DHX32: variants seen among roughly 807,000 people sequenced by gnomAD.
The protein encoded by DHX32 is DEAH-box helicase 32 (putative).
DHX32 carries 51 observed loss-of-function variants against 70.0 expected under a neutral mutation model. The ratio of observed to expected loss-of-function variants is 0.73; its 90% CI spans 0.58 to 0.92. The LOEUF (loss-of-function observed/expected upper bound fraction) is 0.92, where lower values mean the gene tolerates loss of function less well. DHX32 is among the 40% of genes least tolerant of loss of function. The pLI is 0.00. For synonymous variants in DHX32, 310 were observed against 315.3 expected (o/e 0.98, Z 0.18); for missense variants, 762 against 891.8 (o/e 0.85, Z 1.85).
In DHX32 at chr10:125,839,059, C is replaced by T. The variant is rs771173173; in HGVS notation, c.1823G>A (p.Gly608Asp). ...TATGTTTAGAGTGTTTTCCTTGGAG[C>T]CAAAAGCAGGTTCTGCATAGGGAAG... The part of the protein sequence containing the change: ...IELPYAEPAF[G>D]SKENTLNIKK... Residue 608 changes from glycine to aspartate, a missense_variant, in exon 9 of 11, where the codon GGC (glycine) becomes GAC (aspartate). Coordinates refer to ENST00000284690, the MANE Select transcript of DHX32 (RefSeq NM_018180.3). 3 of 1,614,142 alleles carry T rather than the reference C, an allele frequency of 1.9e-6. No homozygotes were observed. The highest frequency in any genetic ancestry group is 2.5e-6 in the Non-Finnish European group (3 of 1,180,022).
At chr10:125,839,284 T>C (rs1229685594) in intron 8 of DHX32, 96 bp from the exon 9 acceptor site, 3 of 1,304,788 alleles carry the variant, frequency 2.3e-6, no homozygotes, top group East Asian at 2.4e-5. Context: ...CCCTGTGCTC[T>C]CCTCTCCTAC....
intron 2 of DHX32, among the ~76,000 whole-genome samples, chr10:125,860,347 C>T (rs901343175): frequency 1.3e-5 from 2 of 152,150 alleles, no homozygotes; most frequent in Admixed American, 6.5e-5. Flanking sequence ...TTTTTCCTCT[C>T]GAATTCATCA....
chr10:125,893,348 A>C (rs1222976165), intron 1 of DHX32, among the ~76,000 whole-genome samples: 1 of 152,136 alleles, frequency 6.6e-6, no homozygotes, highest in Non-Finnish European at 1.5e-5. Flanking sequence ...GGTTCACGCC[A>C]TTCTCCTGGC....
At chr10:125,837,849 C>G (rs1854744408) in intron 10 of DHX32, among the ~76,000 whole-genome samples, 1 of 152,160 alleles carries the variant, frequency 6.6e-6, no homozygotes, top group Non-Finnish European at 1.5e-5. Context: ...TTCAGCCTTC[C>G]CTCCTTCCTC....
At chr10:125,886,018 A>T (rs563244343), upstream of DHX32, among the ~76,000 whole-genome samples, 2 of 152,186 alleles carry the variant, frequency 1.3e-5, no homozygotes, top group African/African-American at 4.8e-5. Flanking sequence ...GAGGACCAAC[A>T]ATCACTGTAT....
rs1164988659 is a variant in DHX32, at chr10:125,845,401, A to T, written c.1352-3467T>A. 3.9e-5 allele frequency among the ~76,000 whole-genome samples: 6 copies of T among 152,238 alleles called. No homozygotes were observed. In the South Asian group the frequency reaches 1.2e-3, roughly 31 times the overall value. ...AAGGTAGCTGACATTATGCAAATGT[A>T]TGCCAACATATTTATATGTACTTTC... is the stretch of plus-strand genomic sequence containing the variant. On this transcript the variant is annotated intron_variant, in intron 6 of 10. Transcript: ENST00000284690.
intron 1 of DHX32, among the ~76,000 whole-genome samples, chr10:125,895,421 A>G (rs1944453763): frequency 6.6e-6 from 1 of 152,152 alleles, no homozygotes; most frequent in Admixed American, 6.5e-5. Context: ...GCAGCCCCCC[A>G]CACCCTTAAT....
intron 1 of DHX32, among the ~76,000 whole-genome samples, chr10:125,872,833 G>A (rs1944263273): frequency 6.6e-6 from 1 of 152,176 alleles, no homozygotes; most frequent in African/African-American, 2.4e-5. Flanking sequence ...CTACCTGAAA[G>A]GAAATCACCA....
chr10:125,871,862 C>CTTTTTTTT (rs367881568), intron 1 of DHX32, among the ~76,000 whole-genome samples: 1 of 131,254 alleles, frequency 7.6e-6, no homozygotes, highest in Non-Finnish European at 1.6e-5. Flanking sequence ...TGCTTCTTTT[C>CTTTTTTTT]TTTTTTTTTT....
Position 125,852,627 on chromosome 10 carries a change from T to G in DHX32, c.1108A>C (p.Ile370Leu). The G allele has an allele frequency of 6.2e-7, 1 of 1,611,200 alleles. No individual in the cohort carries two copies. Among genetic ancestry groups the G allele is most frequent in the South Asian group, 1.1e-5 (1 of 90,350 alleles). The part of the protein sequence containing the change: ...VERRKVYNPR[I>L]RANSLVMQPI... ...TGCATGACGAGCGAGTTTGCTCTTA[T>G]TCTCGGGTTGTACACCTTTAAATGG... Residue 370 changes from isoleucine to leucine, a missense_variant, in exon 5 of 11, where the codon ATA (isoleucine) becomes CTA (leucine). This residue lies in a region of DHX32 where 394 missense variants were observed against 473.1 expected (regional missense o/e 0.83). Coordinates refer to ENST00000284690, the MANE Select transcript of DHX32 (RefSeq NM_018180.3).
At chr10:125,874,473 A>T (rs904316782) in intron 1 of DHX32, among the ~76,000 whole-genome samples, 3 of 152,028 alleles carry the variant, frequency 2.0e-5, no homozygotes, top group Non-Finnish European at 4.4e-5. Flanking sequence ...TTAATATAAC[A>T]TATAACATAT....
chr10:125,865,304 C>T (rs909984773), intron 2 of DHX32, among the ~76,000 whole-genome samples: 1 of 152,150 alleles, frequency 6.6e-6, no homozygotes, highest in African/African-American at 2.4e-5. Flanking sequence ...GTACCACTCA[C>T]GTACAATTTA....
At position 125,859,728 on chromosome 10, in the gene DHX32, G is replaced by C; in HGVS notation, c.724C>G (p.Pro242Ala). 1.2e-6 allele frequency: 2 copies of C among 1,613,974 alleles called. No homozygotes were observed. Among genetic ancestry groups the C allele is most frequent in the Non-Finnish European group, 1.7e-6 (2 of 1,179,988 alleles). ...VPVIEVKNKHPVEVVYLSEAQ... is the reference protein window; with the variant it reads ...VPVIEVKNKHAVEVVYLSEAQ... ...TCACTAAGGTACACAACCTCCACAG[G>C]GTGTTTATTTTTCACTTCTATGACA... The change falls in exon 3 of 11, where the codon CCT becomes GCT. Residue 242 changes from proline to alanine, a missense_variant. Physicochemically the swap from Pro to Ala is conservative, Grantham distance 27. Transcript: ENST00000284690.
At chr10:125,859,108 G>A (rs892001799) in intron 3 of DHX32, among the ~76,000 whole-genome samples, 1 of 149,944 alleles carries the variant, frequency 6.7e-6, no homozygotes, top group East Asian at 2.0e-4. Context: ...TGACCTTTTC[G>A]GGTGGGCTAT....
intron 1 of DHX32, among the ~76,000 whole-genome samples, chr10:125,888,642 T>C (rs1944353004): frequency 6.6e-6 from 1 of 152,310 alleles, no homozygotes; most frequent in Admixed American, 6.5e-5. Context: ...TGTTATTATA[T>C]CTAAAACTCA....
At chr10:125,893,253 A>ATT (rs1232064936) in intron 1 of DHX32, among the ~76,000 whole-genome samples, 1 of 131,866 alleles carries the variant, frequency 7.6e-6, no homozygotes, top group African/African-American at 2.8e-5. Context: ...CTTTTATTTT[A>ATT]TTTTTTTTGA....
chr10:125,872,899 C>A (rs1944263636), intron 1 of DHX32, among the ~76,000 whole-genome samples: 2 of 152,216 alleles, frequency 1.3e-5, no homozygotes, highest in African/African-American at 4.8e-5. Flanking sequence ...TCCGGGTAAT[C>A]AAAATCTAAT....
chr10:125,870,563 G>A lies in DHX32; in HGVS notation c.283-3380C>T, dbSNP rs555418472. ...AAATTACTCTTTCTAGGCTGGGTGC[G>A]GTGGCTCACATCTGTAATCTCAGCA... On this transcript the variant is annotated intron_variant, in intron 1 of 10. Coordinates refer to ENST00000284690, the MANE Select transcript of DHX32 (RefSeq NM_018180.3). Among the ~76,000 whole-genome samples the A allele has an allele frequency of 3.3e-5, 5 of 152,112 alleles. No homozygotes were observed. The East Asian group carries it at 7.7e-4, about 24-fold the overall frequency.
At chr10:125,859,181 ACT>A (rs1287108131) in intron 3 of DHX32, among the ~76,000 whole-genome samples, 2 of 151,866 alleles carry the variant, frequency 1.3e-5, no homozygotes, top group East Asian at 3.9e-4. Context: ...GTGTTACTTA[ACT>A]CTATGGTGAG....
Sources: gnomAD v4.1 joint callset for allele counts (sites outside exome capture counted in the v4.1 genomes callset) on GRCh38, gnomAD v4.1.1 for gene constraint, gnomAD v4.1.1 regional missense constraint, MANE v1.5 for transcripts, NCBI Gene and HGNC (gene_info 2026-07-23, HGNC 2026-07-21) for gene names.